FGD6: variants seen among roughly 807,000 people sequenced by gnomAD.
FGD6 encodes the protein FYVE, RhoGEF and PH domain containing 6, also known as FYVE, RhoGEF and PH domain-containing protein 6.
In FGD6, 90 loss-of-function variants were observed where a neutral mutation model predicts 149.4. The observed-to-expected ratio is 0.60, with a 90% CI of 0.51 to 0.72. FGD6 has a LOEUF of 0.72. FGD6 is among the 30% of genes least tolerant of loss of function. The pLI is 0.00. For missense variants in FGD6, 1,437 were observed against 1,684.8 expected, an observed-to-expected ratio of 0.85 and a Z score of 2.57; for synonymous variants, 527 against 584.0, an observed-to-expected ratio of 0.90 and a Z score of 1.41.
At chr12:95,203,877 T>C (rs2056676155) in intron 2 of FGD6, among the ~76,000 whole-genome samples, 1 of 152,210 alleles carries the variant, frequency 6.6e-6, no homozygotes, top group African/African-American at 2.4e-5. Context: ...TTGGACACTA[T>C]TATTTTGCTG....
At chr12:95,216,571 G>A (rs2056789567) in intron 1 of FGD6, among the ~76,000 whole-genome samples, 1 of 148,010 alleles carries the variant, frequency 6.8e-6, no homozygotes, top group Non-Finnish European at 1.5e-5. Flanking sequence ...TCATTTGGAT[G>A]AAGGGGAAAG....
intron 8 of FGD6, among the ~76,000 whole-genome samples, chr12:95,128,737 G>T (rs1879423554): frequency 6.6e-6 from 1 of 152,206 alleles, no homozygotes; most frequent in Non-Finnish European, 1.5e-5. Context: ...TCAGGGCAGG[G>T]GCCACCACTG....
chr12:95,113,748 C>A (rs1878912812), intron 8 of FGD6, 47 bp from the exon 9 acceptor site: 1 of 1,236,026 alleles, frequency 8.1e-7, no homozygotes, highest in Non-Finnish European at 1.2e-6. Flanking sequence ...AACCAGTGAG[C>A]CCCAAACACA....
chr12:95,153,079 G>T, intron 3 of FGD6, 86 bp from the exon 4 acceptor site: 1 of 1,194,392 alleles, frequency 8.4e-7, no homozygotes, highest in Non-Finnish European at 1.2e-6. Flanking sequence ...TTTTAACTCT[G>T]ATACTTGTAA....
chr12:95,086,662 C>T (rs2136231402), intron 18 of FGD6, among the ~76,000 whole-genome samples: 1 of 149,308 alleles, frequency 6.7e-6, no homozygotes, highest in South Asian at 2.1e-4. Context: ...GCCTCAGCCT[C>T]CCGAGTAGCT....
chr12:95,106,874 A>C, intron 13 of FGD6, 80 bp downstream of exon 13: 1 of 1,161,158 alleles, frequency 8.6e-7, no homozygotes, highest in Non-Finnish European at 1.3e-6. Flanking sequence ...AGCCTGGGTG[A>C]CAGAATGAGA....
intron 2 of FGD6, among the ~76,000 whole-genome samples, chr12:95,183,838 A>T (rs1019998548): frequency 2.0e-5 from 3 of 152,312 alleles, no homozygotes; most frequent in East Asian, 3.9e-4. Flanking sequence ...ACCTGTCTCA[A>T]ACAACAAAAA....
chr12:95,190,067 T>C (rs1326721776), intron 2 of FGD6, among the ~76,000 whole-genome samples: 1 of 126,200 alleles, frequency 7.9e-6, no homozygotes, highest in Non-Finnish European at 1.7e-5. Context: ...CTATATTAAA[T>C]AGTTTTCAGT....
intron 8 of FGD6, among the ~76,000 whole-genome samples, chr12:95,127,514 A>G (rs961946439): frequency 6.6e-6 from 1 of 152,234 alleles, no homozygotes; most frequent in Non-Finnish European, 1.5e-5. Context: ...ACTGCACTCC[A>G]GCCTGGGCAA....
At chr12:95,193,859 A>C (rs1399785915) in intron 2 of FGD6, among the ~76,000 whole-genome samples, 1 of 151,770 alleles carries the variant, frequency 6.6e-6, no homozygotes, top group East Asian at 1.9e-4. Context: ...TGCCAATTCC[A>C]AAAGGCCACA....
intron 5 of FGD6, 118 bp from the exon 6 acceptor site, chr12:95,141,657 C>T (rs1879850059): frequency 8.6e-7 from 1 of 1,163,162 alleles, no homozygotes; most frequent in South Asian, 1.8e-5. Flanking sequence ...ATTTCTCATG[C>T]AGAATTACAA....
At chr12:95,181,834 G>A (rs1434140618) in intron 2 of FGD6, among the ~76,000 whole-genome samples, 2 of 151,706 alleles carry the variant, frequency 1.3e-5, no homozygotes, top group African/African-American at 2.4e-5. Context: ...GGCGCCTGTA[G>A]TCCCAGCTAC....
chr12:95,213,944 T>C (rs2056740068), intron 1 of FGD6, among the ~76,000 whole-genome samples: 1 of 152,258 alleles, frequency 6.6e-6, no homozygotes, highest in African/African-American at 2.4e-5. Flanking sequence ...TTGTGGGCCT[T>C]GTACAGACCT....
chr12:95,174,730 C>T lies in FGD6; in HGVS notation c.2442-1986G>A, dbSNP rs142754831. Among the ~76,000 whole-genome samples, 680 of 152,084 alleles carry T rather than the reference C, an allele frequency of 4.5e-3. 2 individuals carry two copies. The highest frequency in any genetic ancestry group is 0.015 in the African/African-American group (639 of 41,498). On this transcript the variant is annotated intron_variant, in intron 2 of 20. Transcript: ENST00000343958. ...GATCACGAGGTCAGGAGATCGAGAC[C>T]ATCCTGGCTAACACGGTGAAACCCC...
At chr12:95,146,230 C>T (rs1359029429) in intron 5 of FGD6, among the ~76,000 whole-genome samples, 1 of 152,200 alleles carries the variant, frequency 6.6e-6, no homozygotes, top group African/African-American at 2.4e-5. Context: ...CTTCACGAAC[C>T]TCAGCCATTG....
At chr12:95,207,860 T>C (rs1274879298) in intron 2 of FGD6, among the ~76,000 whole-genome samples, 2 of 152,212 alleles carry the variant, frequency 1.3e-5, no homozygotes, top group Non-Finnish European at 2.9e-5. Context: ...AGAAGCTTAA[T>C]GAAGCCAAAG....
chr12:95,131,729 C>A (rs1879525212), intron 8 of FGD6, among the ~76,000 whole-genome samples: 1 of 152,122 alleles, frequency 6.6e-6, no homozygotes, highest in African/African-American at 2.4e-5. Flanking sequence ...CATCACTTTT[C>A]CCCCTTCCCA....
chr12:95,094,400 G>C (rs1344519274), intron 15 of FGD6, among the ~76,000 whole-genome samples, 192 bp downstream of exon 15: 3 of 152,078 alleles, frequency 2.0e-5, no homozygotes, highest in Non-Finnish European at 4.4e-5. Context: ...TGCTATCACA[G>C]ACTTGCAGTG....
chr12:95,165,565 C>G (rs949133554), intron 3 of FGD6, among the ~76,000 whole-genome samples: 1 of 150,994 alleles, frequency 6.6e-6, no homozygotes, highest in Non-Finnish European at 1.5e-5. Context: ...CTCGAACTCC[C>G]GACCTCAGGT....
Sources: gnomAD v4.1 joint callset for allele counts (sites outside exome capture counted in the v4.1 genomes callset) on GRCh38, gnomAD v4.1.1 for gene constraint, MANE v1.5 for transcripts, NCBI Gene and HGNC (gene_info 2026-07-23, HGNC 2026-07-21) for gene names.